The following GRID1 variants were observed in gnomAD, a reference collection of about 807,000 sequenced individuals.
The protein encoded by GRID1 is glutamate ionotropic receptor delta type subunit 1.
GRID1 carries 28 observed loss-of-function variants against 98.0 expected under a neutral mutation model. That is an observed-to-expected ratio of 0.29 (90% CI 0.21 to 0.39). The LOEUF (loss-of-function observed/expected upper bound fraction) is 0.39, where lower values mean the gene tolerates loss of function less well. Among genes scored for constraint, GRID1 ranks in the 10% least tolerant of loss-of-function variants. The probability of loss-of-function intolerance (pLI) is 1.00; values close to 1 mark genes in which losing one functional copy is unlikely to be tolerated. For missense variants in GRID1, 1,111 were observed against 1,340.5 expected, an observed-to-expected ratio of 0.83 and a Z score of 2.67; for synonymous variants, 553 against 538.5, an observed-to-expected ratio of 1.03 and a Z score of -0.37.
intron 4 of GRID1, among the ~76,000 whole-genome samples, chr10:86,012,386 G>A (rs949788995): frequency 5.9e-5 from 9 of 152,048 alleles, no homozygotes; most frequent in African/African-American, 1.4e-4. Flanking sequence ...CTAGGTAATC[G>A]GCAGAGCCAG....
chr10:85,684,738 G>T (rs375383640), intron 12 of GRID1, among the ~76,000 whole-genome samples: 1 of 152,286 alleles, frequency 6.6e-6, no homozygotes, highest in East Asian at 1.9e-4. Context: ...TAGACTGGGT[G>T]GCTTAAATAA....
At chr10:85,836,233 T>C (rs962081401) in intron 8 of GRID1, among the ~76,000 whole-genome samples, 2 of 151,628 alleles carry the variant, frequency 1.3e-5, no homozygotes, top group African/African-American at 4.8e-5. Flanking sequence ...ATATTGTTCT[T>C]CAAAAAATCA....
At chr10:85,796,832 T>C (rs1357889223) in intron 8 of GRID1, among the ~76,000 whole-genome samples, 1 of 152,162 alleles carries the variant, frequency 6.6e-6, no homozygotes, top group Non-Finnish European at 1.5e-5. Flanking sequence ...GAACATTAAA[T>C]CTGAAATTTT....
At chr10:86,189,743 T>C (rs1845775180) in intron 3 of GRID1, among the ~76,000 whole-genome samples, 1 of 152,100 alleles carries the variant, frequency 6.6e-6, no homozygotes, top group South Asian at 2.1e-4. Context: ...CTGAGGCCAC[T>C]AGTACTCCTC....
intron 3 of GRID1, among the ~76,000 whole-genome samples, chr10:86,173,693 T>A (rs1845528840): frequency 6.6e-6 from 1 of 151,812 alleles, no homozygotes; most frequent in Non-Finnish European, 1.5e-5. Context: ...TCATTTAGCA[T>A]TAAGTGTATC....
At chr10:86,295,963 C>T (rs1847583311) in intron 2 of GRID1, among the ~76,000 whole-genome samples, 1 of 152,238 alleles carries the variant, frequency 6.6e-6, no homozygotes, top group African/African-American at 2.4e-5. Context: ...GTGTCCCTAC[C>T]TTCTTGCTCC....
chr10:85,912,600 A>G (rs1366739169), intron 5 of GRID1, among the ~76,000 whole-genome samples: 1 of 152,248 alleles, frequency 6.6e-6, no homozygotes, highest in African/African-American at 2.4e-5. Context: ...AGCTGGGGGC[A>G]CAGCTGGAGG....
At chr10:86,329,161 C>G (rs12266820) in intron 2 of GRID1, among the ~76,000 whole-genome samples, 1 of 152,114 alleles carries the variant, frequency 6.6e-6, no homozygotes, top group Non-Finnish European at 1.5e-5. Flanking sequence ...GCATCCCTCC[C>G]GAGCCCTCTA....
At chr10:85,882,023 T>C (rs574416201) in intron 5 of GRID1, among the ~76,000 whole-genome samples, 1 of 152,150 alleles carries the variant, frequency 6.6e-6, no homozygotes, top group African/African-American at 2.4e-5. Flanking sequence ...CATGGAAAAA[T>C]GCTCATCATC....
chr10:86,060,227 T>C (rs1021016292), intron 4 of GRID1, among the ~76,000 whole-genome samples: 17 of 152,226 alleles, frequency 1.1e-4, no homozygotes, highest in African/African-American at 3.9e-4. Flanking sequence ...AGACATAAAG[T>C]CTTTCATCTG....
intron 5 of GRID1, among the ~76,000 whole-genome samples, chr10:85,897,358 G>A (rs572467548): frequency 1.4e-4 from 21 of 152,288 alleles, no homozygotes; most frequent in African/African-American, 4.8e-4. Context: ...GGTTGGCTGG[G>A]AAGTTCTCTG....
intron 4 of GRID1, among the ~76,000 whole-genome samples, chr10:86,002,844 T>C (rs538295619): frequency 1.3e-5 from 2 of 152,366 alleles, no homozygotes; most frequent in African/African-American, 4.8e-5. Flanking sequence ...ATTGTGCACA[T>C]ACTATGTCCA....
chr10:86,302,254 C>T lies in GRID1; in HGVS notation c.235+61687G>A, dbSNP rs2132082537. On this transcript the variant is annotated intron_variant, in intron 2 of 15. Coordinates refer to ENST00000327946, the MANE Select transcript of GRID1 (RefSeq NM_017551.3). ...CACTCCACAGGGGCCACCATGCCTTCTTGGGAGACACATCTGCAGCAAGAG... is the reference window on the plus strand; with the variant it reads ...CACTCCACAGGGGCCACCATGCCTTTTTGGGAGACACATCTGCAGCAAGAG... 3.3e-5 allele frequency among the ~76,000 whole-genome samples: 5 copies of T among 152,320 alleles called. 1 individual carries two copies. In the Middle Eastern group the frequency reaches 0.017, roughly 518 times the overall value.
In GRID1 at chr10:86,030,333, A is replaced by C. The variant is rs1247024982; in HGVS notation, c.726+108486T>G. On this transcript the variant is annotated intron_variant, in intron 4 of 15. Coordinates refer to ENST00000327946, the MANE Select transcript of GRID1 (RefSeq NM_017551.3). ...GGTCTGTGGAAGTCACGAAGGGATT[A>C]ATAATTGCAGGAAAGATTCCCCAAA... Among the ~76,000 whole-genome samples, 3 of 152,262 alleles carry C rather than the reference A, an allele frequency of 2.0e-5. No individual in the cohort carries two copies. In the East Asian group the frequency reaches 5.8e-4, roughly 29 times the overall value.
intron 3 of GRID1, among the ~76,000 whole-genome samples, chr10:86,155,333 C>T (rs570751863): frequency 2.3e-4 from 35 of 152,324 alleles, no homozygotes; most frequent in African/African-American, 6.7e-4. Context: ...AGCCTCTGCC[C>T]GGGACACCAA....
chr10:85,865,942 T>TATATATATATATATATATATATATAC (rs1199144734), intron 6 of GRID1, among the ~76,000 whole-genome samples: 5 of 94,872 alleles, frequency 5.3e-5, no homozygotes, highest in African/African-American at 1.6e-4. Context: ...TATATATATA[T>TATATATATATATATATATATATATAC]ACACATATAT....
chr10:86,347,106 C>A (rs1308934754), intron 2 of GRID1, among the ~76,000 whole-genome samples: 1 of 149,230 alleles, frequency 6.7e-6, no homozygotes, highest in East Asian at 2.0e-4. Flanking sequence ...GGACATACCA[C>A]AGAGCTCAAA....
intron 12 of GRID1, among the ~76,000 whole-genome samples, chr10:85,700,880 A>G (rs1448798130): frequency 1.3e-5 from 2 of 152,236 alleles, no homozygotes; most frequent in African/African-American, 4.8e-5. Context: ...CCTAAGACTA[A>G]GACAGTAATG....
chr10:85,749,265 C>T (rs759698234), intron 8 of GRID1, among the ~76,000 whole-genome samples: 1 of 152,144 alleles, frequency 6.6e-6, no homozygotes, highest in Non-Finnish European at 1.5e-5. Context: ...GCTCAGAGCA[C>T]TTAAGAGCCT....
Sources: gnomAD v4.1 joint callset for allele counts (sites outside exome capture counted in the v4.1 genomes callset) on GRCh38, gnomAD v4.1.1 for gene constraint, MANE v1.5 for transcripts, NCBI Gene and HGNC (gene_info 2026-07-23, HGNC 2026-07-21) for gene names.